MIGA1: variants seen among roughly 807,000 people sequenced by gnomAD.
MIGA1 encodes family with sequence similarity 73, member A.
Under a neutral mutation model 82.0 loss-of-function variants are expected in MIGA1, and 58 were observed. The ratio of observed to expected loss-of-function variants is 0.71; its 90% CI spans 0.57 to 0.88. MIGA1 has a LOEUF of 0.88. Among genes scored for constraint, MIGA1 ranks in the 40% least tolerant of loss-of-function variants. The pLI, the probability that MIGA1 is intolerant of heterozygous loss-of-function variation, is 0.00. For synonymous variants in MIGA1, 249 were observed against 253.6 expected (o/e 0.98, Z 0.17); for missense variants, 751 against 749.1 (o/e 1.00, Z -0.03).
chr1:77,835,592 G>A (rs1283550195), intron 7 of MIGA1, among the ~76,000 whole-genome samples: 2 of 152,118 alleles, frequency 1.3e-5, no homozygotes, highest in Admixed American at 6.5e-5. Context: ...AGTGTAAGCT[G>A]CATATTTCAG....
chr1:77,803,424 AT>A lies in MIGA1; in HGVS notation c.510+20del. On this transcript the variant is annotated intron_variant, in intron 4 of 15. Coordinates refer to ENST00000370791, the MANE Select transcript of MIGA1 (RefSeq NM_198549.4). ...TGGCCTCTGTAAGTACAGAAAAAATATTAATTTTTAAAATTTTTGTTTATAT... is the reference window on the plus strand; with the variant it reads ...TGGCCTCTGTAAGTACAGAAAAAATATAATTTTTAAAATTTTTGTTTATAT... The A allele has an allele frequency of 7.4e-7, 1 of 1,353,838 alleles. No individual in the cohort carries two copies. The highest frequency in any genetic ancestry group is 1.8e-5 in the South Asian group (1 of 56,530). The allele number at this position is 1,353,838 out of a possible 1,614,324, so 83.9% of individuals were successfully genotyped here.
chr1:77,859,862 A>G (rs997200227), intron 10 of MIGA1, 178 bp from the exon 11 acceptor site: 6 of 505,432 alleles, frequency 1.2e-5, no homozygotes, highest in East Asian at 9.7e-5. Context: ...TTTTTTGACT[A>G]TAGGTTTCAA....
At chr1:77,791,559 GTTTTTTT>G (rs71075763) in intron 2 of MIGA1, among the ~76,000 whole-genome samples, 3 of 124,678 alleles carry the variant, frequency 2.4e-5, no homozygotes, top group East Asian at 2.3e-4. Context: ...AGATATTTAA[GTTTTTTT>G]TTTTTTTTTT....
At chr1:77,864,306 T>A (rs1571013997) in intron 13 of MIGA1, among the ~76,000 whole-genome samples, 1 of 141,844 alleles carries the variant, frequency 7.1e-6, no homozygotes, top group Non-Finnish European at 1.5e-5. Context: ...GGAGGTGCAG[T>A]GAGCTGAGAT....
chr1:77,806,963 T>C lies in MIGA1; in HGVS notation c.511-12T>C. On this transcript the variant is annotated splice_polypyrimidine_tract_variant and intron_variant, in intron 4 of 15. Coordinates refer to ENST00000370791, the MANE Select transcript of MIGA1 (RefSeq NM_198549.4). The stretch of plus-strand genomic sequence containing the variant: ...AGAGATTTGAAGTAACTTCTATCCA[T>C]CTTAATTTTAGGTCCAGAGTGTCAA... 4 of 1,599,286 alleles carry C rather than the reference T, an allele frequency of 2.5e-6. No homozygotes were observed. The highest frequency in any genetic ancestry group is 3.4e-6 in the Non-Finnish European group (4 of 1,171,676).
chr1:77,853,620 A>G (rs1490307200), intron 8 of MIGA1: 1 of 167,428 alleles, frequency 6.0e-6, no homozygotes. Context: ...TTGAGGCTGC[A>G]GTGGGCCATG....
intron 5 of MIGA1, chr1:77,811,196 G>T (rs1683314057): frequency 1.9e-6 from 3 of 1,546,226 alleles, no homozygotes; most frequent in Non-Finnish European, 1.8e-6. Context: ...ATGCCATTCA[G>T]ATCCTTTACA....
chr1:77,782,761 TG>T, intron 1 of MIGA1: 1 of 422,566 alleles, frequency 2.4e-6, no homozygotes, highest in Non-Finnish European at 3.2e-6. Context: ...GCGTGAGTTC[TG>T]GAGTTCAGTC....
At chr1:77,807,144 T>G (rs753372106) in intron 5 of MIGA1, 43 bp downstream of exon 5, 64 of 1,453,606 alleles carry the variant, frequency 4.4e-5, no homozygotes, top group Non-Finnish European at 5.9e-5. Context: ...GTGCTCACAT[T>G]TAATTTGTTT....
intron 12 of MIGA1, chr1:77,862,357 G>A (rs1273998662): frequency 6.6e-6 from 1 of 150,986 alleles, no homozygotes; most frequent in Non-Finnish European, 1.5e-5. Flanking sequence ...CAAGGAATGA[G>A]AATTGCTTGA....
At position 77,859,048 on chromosome 1, in the gene MIGA1, A is replaced by G; in HGVS notation, c.1107A>G (p.Arg369=). ...TTGAAGAAGGAAAAATTTACTCCAG[A>G]GTACTGAGGTACCATTTCAGTTTTG... Residue 369 remains arginine, a synonymous_variant, in exon 9 of 16, where the codon AGA becomes AGG. Coordinates refer to ENST00000370791, the MANE Select transcript of MIGA1 (RefSeq NM_198549.4). The G allele has an allele frequency of 6.3e-7, 1 of 1,580,644 alleles. No individual in the cohort carries two copies. The highest frequency in any genetic ancestry group is 8.7e-7 in the Non-Finnish European group (1 of 1,149,456).
chr1:77,834,592 A>C (rs947485798), intron 7 of MIGA1, among the ~76,000 whole-genome samples: 1 of 152,188 alleles, frequency 6.6e-6, no homozygotes, highest in African/African-American at 2.4e-5. Context: ...CACTTTCTGA[A>C]ATTTTGTTGT....
At chr1:77,792,881 C>T (rs574473890) in intron 2 of MIGA1, among the ~76,000 whole-genome samples, 9 of 150,852 alleles carry the variant, frequency 6.0e-5, no homozygotes, top group Non-Finnish European at 8.9e-5. Flanking sequence ...CTCTGCCTCC[C>T]GGGTTCAAGT....
At chr1:77,853,209 A>G (rs1042942773) in intron 8 of MIGA1, 2 of 152,314 alleles carry the variant, frequency 1.3e-5, no homozygotes, top group African/African-American at 4.8e-5. Context: ...AAGACTTGCA[A>G]AAATTCAGAG....
chr1:77,821,049 A>T (rs1309581347), intron 7 of MIGA1, among the ~76,000 whole-genome samples: 1 of 151,942 alleles, frequency 6.6e-6, no homozygotes, highest in African/African-American at 2.4e-5. Flanking sequence ...CAGGAGAATC[A>T]CCTGAAGCTG....
chr1:77,809,134 CAAA>C (rs1287726811), intron 5 of MIGA1, among the ~76,000 whole-genome samples: 4 of 151,874 alleles, frequency 2.6e-5, no homozygotes, highest in Non-Finnish European at 5.9e-5. Context: ...ACAACAACAA[CAAA>C]AACCTCAGAA....
intron 7 of MIGA1, among the ~76,000 whole-genome samples, chr1:77,831,843 G>A (rs1474260517): frequency 2.6e-5 from 4 of 152,182 alleles, no homozygotes; most frequent in African/African-American, 9.6e-5. Flanking sequence ...AGCCCAGGAA[G>A]TTTAGGCTGC....
At chr1:77,847,996 A>G (rs1684907483) in intron 8 of MIGA1, 3 of 1,224,876 alleles carry the variant, frequency 2.4e-6, no homozygotes, top group Non-Finnish European at 3.6e-6. Flanking sequence ...AATCAAAACC[A>G]CTCTCAGTCA....
At position 77,813,800 on chromosome 1, in the gene MIGA1, C is replaced by G. The variant is rs1213709699; in HGVS notation, c.704C>G (p.Ala235Gly). 6.2e-7 allele frequency: 1 copy of G among 1,614,170 alleles called. No homozygotes were observed. The highest frequency in any genetic ancestry group is 8.5e-7 in the Non-Finnish European group (1 of 1,180,028). ...GCTCTGACCTTTCGCAATAGACAGGCTGAAGATGAAGCCTGTGGTTCCATT... is the reference window on the plus strand; with the variant it reads ...GCTCTGACCTTTCGCAATAGACAGGGTGAAGATGAAGCCTGTGGTTCCATT... The change falls in exon 6 of 16, where the codon GCT becomes GGT. Residue 235 changes from alanine to glycine, a missense_variant. Ala to Gly is a moderately conservative substitution (Grantham distance 60). Around this residue, in one of 3 missense-constraint regions of MIGA1, gnomAD observed 482 missense variants for 439.4 expected, o/e 1.10. Coordinates refer to ENST00000370791, the MANE Select transcript of MIGA1 (RefSeq NM_198549.4).
Sources: allele counts gnomAD v4.1 joint callset (sites outside exome capture counted in the v4.1 genomes callset), GRCh38; gene constraint gnomAD v4.1.1; regional missense constraint gnomAD v4.1.1; transcripts MANE v1.5; gene names NCBI Gene and HGNC (gene_info 2026-07-23, HGNC 2026-07-21).